The following ABCB7 variants were observed in gnomAD, a reference collection of about 807,000 sequenced individuals.
The protein encoded by ABCB7 is iron-sulfur clusters transporter ABCB7, mitochondrial.
In ABCB7, 7 loss-of-function variants were observed where a neutral mutation model predicts 54.4. The observed-to-expected ratio is 0.13, with a 90% CI of 0.07 to 0.24. ABCB7 has a LOEUF of 0.24. Among genes scored for constraint, ABCB7 ranks in the 10% least tolerant of loss-of-function variants. The pLI, the probability that ABCB7 is intolerant of heterozygous loss-of-function variation, is 1.00. For missense variants in ABCB7, 356 were observed against 570.4 expected (o/e 0.62, Z 3.83); for synonymous variants, 218 against 207.1 (o/e 1.05, Z -0.45).
chrX:75,112,569 G>A (rs1412036912), intron 3 of ABCB7, among the ~76,000 whole-genome samples: 1 of 111,358 alleles, frequency 9.0e-6, no homozygotes, highest in African/African-American at 3.3e-5. Flanking sequence ...CACACAAATT[G>A]TTTTTTAGGT....
intron 1 of ABCB7, among the ~76,000 whole-genome samples, chrX:75,139,882 T>A (rs1462516758): frequency 8.9e-6 from 1 of 111,906 alleles, no homozygotes; most frequent in Admixed American, 9.5e-5. Flanking sequence ...AAGATGCCCT[T>A]AGTTTATAGA....
Position 75,073,980 on chromosome X carries a change from A to C in ABCB7, c.856-24T>G, listed in dbSNP as rs780995852. On this transcript the variant is annotated intron_variant, in intron 6 of 15. Coordinates refer to ENST00000373394, the MANE Select transcript of ABCB7 (RefSeq NM_001271696.3). ...TACTAGAAAAGGAAGTCCAAAGAAGAAACGTGAAACAGTTATTGTTCTTCC... is the reference window on the plus strand; with the variant it reads ...TACTAGAAAAGGAAGTCCAAAGAAGCAACGTGAAACAGTTATTGTTCTTCC... 4 of 1,114,813 alleles carry C rather than the reference A, an allele frequency of 3.6e-6. No individual in the cohort carries two copies. In the East Asian group the frequency reaches 9.0e-5, roughly 25 times the overall value. The allele number at this position is 1,114,813 out of a possible 1,213,427, so 91.9% of individuals were successfully genotyped here.
intron 3 of ABCB7, among the ~76,000 whole-genome samples, chrX:75,110,386 A>G (rs74891665): frequency 9.0e-6 from 1 of 111,461 alleles, no homozygotes; most frequent in Admixed American, 9.5e-5. Context: ...TAATGTGTCC[A>G]CTCATTTTAA....
chrX:75,079,915 T>A (rs140869049), intron 4 of ABCB7, among the ~76,000 whole-genome samples: 1,359 of 112,027 alleles, frequency 0.012, 23 homozygotes, highest in African/African-American at 0.043. Context: ...CTAATTAATT[T>A]GCTCTTGATC....
At chrX:75,065,267 T>G (rs750002802) in intron 12 of ABCB7, 26 bp from the exon 13 acceptor site, 2 of 1,069,949 alleles carry the variant, frequency 1.9e-6, no homozygotes, top group Non-Finnish European at 2.6e-6. Context: ...TGAATGAATA[T>G]ATATCTATAT....
intron 3 of ABCB7, among the ~76,000 whole-genome samples, chrX:75,103,623 T>C (rs1486390742): frequency 9.0e-6 from 1 of 111,268 alleles, no homozygotes; most frequent in East Asian, 2.8e-4. Context: ...CATACAAATT[T>C]TGGAATTCTT....
intron 1 of ABCB7, among the ~76,000 whole-genome samples, chrX:75,115,410 C>CTTTTTTTTTTTTT (rs747398607): frequency 2.0e-4 from 6 of 30,189 alleles, no homozygotes; most frequent in African/African-American, 1.1e-3. Context: ...TGTCTCTTTT[C>CTTTTTTTTTTTTT]TTTTTTTTTT....
In ABCB7 at chrX:75,052,793, CA is replaced by C. The variant is rs11412316; in HGVS notation, c.*576del. 1 of 99,279 alleles carries C rather than the reference CA, an allele frequency of 1.0e-5. No homozygotes were observed. Among genetic ancestry groups the C allele is most frequent in the African/African-American group, 4.0e-5 (1 of 25,262 alleles). 8.2% of individuals were successfully genotyped at this position (99,279 alleles called of 1,213,427 possible). A position where few individuals can be genotyped will look rare whatever the true frequency, so the allele number is the denominator to read the frequency against. The stretch of plus-strand genomic sequence containing the variant: ...AATCTGTCTCAAAAAAAAAAAACAA[CA>C]AAAAACAAAAAACAACAAAACAAAA... On this transcript the variant is annotated 3_prime_UTR_variant, in exon 16 of 16. Coordinates refer to ENST00000373394, the MANE Select transcript of ABCB7 (RefSeq NM_001271696.3).
intron 15 of ABCB7, among the ~76,000 whole-genome samples, chrX:75,055,428 C>T (rs190064173): frequency 1.9e-5 from 2 of 107,260 alleles, no homozygotes; most frequent in East Asian, 3.0e-4. Context: ...TAACAATGGC[C>T]GGCCATGGTG....
intron 3 of ABCB7, among the ~76,000 whole-genome samples, chrX:75,105,437 T>C (rs1202187624): frequency 9.0e-6 from 1 of 110,881 alleles, no homozygotes; most frequent in Non-Finnish European, 1.9e-5. Flanking sequence ...ATAAAATATC[T>C]AGAAATACAT....
rs2081664100 is a variant in ABCB7, at chrX:75,104,047, G to GTTTTTTTTGTTTTTTTTTTTTT, written c.334-4987_334-4986insAAAAAAAAAAAAACAAAAAAAA. ...AAATGGGCATCCCTGTCTTGTTACA[G>GTTTTTTTTGTTTTTTTTTTTTT]TTTTTTTTTTTTTTTTTTTTTTTTT... On this transcript the variant is annotated intron_variant, in intron 3 of 15. Transcript: ENST00000373394. Among the ~76,000 whole-genome samples, 6 of 13,443 alleles carry GTTTTTTTTGTTTTTTTTTTTTT rather than the reference G, an allele frequency of 4.5e-4. 1 individual carries two copies. Among genetic ancestry groups the GTTTTTTTTGTTTTTTTTTTTTT allele is most frequent in the Non-Finnish European group, 7.0e-4 (4 of 5,715 alleles). 11.7% of individuals were successfully genotyped at this position (13,443 alleles called of 115,157 possible). A position where few individuals can be genotyped will look rare whatever the true frequency, so the allele number is the denominator to read the frequency against.
At chrX:75,129,406 C>T (rs973930373) in intron 1 of ABCB7, among the ~76,000 whole-genome samples, 5 of 109,757 alleles carry the variant, frequency 4.6e-5, no homozygotes, top group East Asian at 2.9e-4. Flanking sequence ...TGAGAACATA[C>T]GGGCACGGGG....
At chrX:75,083,907 A>G (rs1479974530) in intron 4 of ABCB7, among the ~76,000 whole-genome samples, 1 of 111,232 alleles carries the variant, frequency 9.0e-6, no homozygotes, top group African/African-American at 3.3e-5. Flanking sequence ...TAGCAAAATG[A>G]ACTTTGCAGA....
At chrX:75,115,410 C>CTTTTT (rs747398607) in intron 1 of ABCB7, among the ~76,000 whole-genome samples, 598 of 29,326 alleles carry the variant, frequency 0.02, 1 homozygote, top group Non-Finnish European at 0.026. Context: ...TGTCTCTTTT[C>CTTTTT]TTTTTTTTTT....
chrX:75,139,006 CAA>C (rs60785681), intron 1 of ABCB7, among the ~76,000 whole-genome samples: 1,223 of 57,774 alleles, frequency 0.021, 17 homozygotes, highest in African/African-American at 0.062. Context: ...GACTCTGCCT[CAA>C]AAAAAAAAAA....
At chrX:75,109,246 G>C (rs771314495) in intron 3 of ABCB7, among the ~76,000 whole-genome samples, 1 of 112,015 alleles carries the variant, frequency 8.9e-6, no homozygotes, top group South Asian at 3.7e-4. Flanking sequence ...TAACGATGTA[G>C]ACAAGACCTG....
At chrX:75,055,553 CAAAAAAAA>C (rs59851777) in intron 15 of ABCB7, among the ~76,000 whole-genome samples, 893 of 21,727 alleles carry the variant, frequency 0.041, 22 homozygotes, top group African/African-American at 0.092. Flanking sequence ...CCATCTCTAC[CAAAAAAAA>C]AAAAAAAAAA....
chrX:75,070,299 T>C, intron 10 of ABCB7, 66 bp downstream of exon 10: 2 of 1,061,511 alleles, frequency 1.9e-6, no homozygotes, highest in Non-Finnish European at 2.6e-6. Context: ...GGAATATTCC[T>C]AGAATAATCC....
At chrX:75,056,845 C>A (rs2081244498) in intron 15 of ABCB7, among the ~76,000 whole-genome samples, 1 of 111,619 alleles carries the variant, frequency 9.0e-6, no homozygotes, top group Non-Finnish European at 1.9e-5. Flanking sequence ...CAAAAATAGT[C>A]TCAAAATGGT....
Sources: gnomAD v4.1 joint callset for allele counts (sites outside exome capture counted in the v4.1 genomes callset) on GRCh38, gnomAD v4.1.1 for gene constraint, MANE v1.5 for transcripts, NCBI Gene and HGNC (gene_info 2026-07-23, HGNC 2026-07-21) for gene names.